Variants in AGK observed in about 807,000 individuals in gnomAD.
AGK encodes the protein acylglycerol kinase, mitochondrial.
In AGK, 52 loss-of-function variants were observed where a neutral mutation model predicts 66.4. That is an observed-to-expected ratio of 0.78 (90% CI 0.63 to 0.99). The LOEUF (loss-of-function observed/expected upper bound fraction) is 0.99, where lower values mean the gene tolerates loss of function less well. AGK is among the 50% of genes least tolerant of loss of function. The pLI is 0.00. For missense variants in AGK, 451 were observed against 506.6 expected (o/e 0.89, Z 1.05); for synonymous variants, 182 against 181.1 (o/e 1.00, Z -0.04).
chr7:141,627,530 T>G (rs1796965488), intron 9 of AGK, among the ~76,000 whole-genome samples: 1 of 152,216 alleles, frequency 6.6e-6, no homozygotes, highest in Non-Finnish European at 1.5e-5. Context: ...TCTATGTATA[T>G]TTACAACTGG....
Position 141,552,598 on chromosome 7 carries a change from G to A in AGK, c.-15+1164G>A, listed in dbSNP as rs182307479. On this transcript the variant is annotated intron_variant, in intron 1 of 15. Transcript: ENST00000649286. ...TTCTAGACACTCCAATTTTTACTCC[G>A]CTGTTGATGAGATTCAGGACACACT... Among the ~76,000 whole-genome samples the A allele has an allele frequency of 2.9e-3, 434 of 152,262 alleles. 2 individuals are homozygous for A. Among genetic ancestry groups the A allele is most frequent in the Non-Finnish European group, 4.0e-3 (269 of 68,012 alleles).
intron 2 of AGK, among the ~76,000 whole-genome samples, chr7:141,581,048 T>C (rs1310645162): frequency 6.6e-6 from 1 of 151,868 alleles, no homozygotes; most frequent in Non-Finnish European, 1.5e-5. Flanking sequence ...AAGGAGTTGT[T>C]TTGTAGAAGG....
chr7:141,612,530 A>G (rs1347537654), intron 6 of AGK, among the ~76,000 whole-genome samples: 2 of 152,070 alleles, frequency 1.3e-5, no homozygotes, highest in African/African-American at 4.8e-5. Flanking sequence ...TAAACGATGG[A>G]CTTTGGGTGA....
At chr7:141,646,601 C>T (rs1180619827) in intron 13 of AGK, among the ~76,000 whole-genome samples, 2 of 152,072 alleles carry the variant, frequency 1.3e-5, no homozygotes, top group African/African-American at 2.4e-5. Flanking sequence ...CCCACAGGCC[C>T]GACTATCCTG....
chr7:141,611,352 C>A, intron 6 of AGK, 65 bp downstream of exon 6: 1 of 1,176,364 alleles, frequency 8.5e-7, no homozygotes, highest in Non-Finnish European at 1.2e-6. Context: ...AATCCTAGAG[C>A]AATGGTATGT....
intron 13 of AGK, among the ~76,000 whole-genome samples, chr7:141,648,164 C>T (rs1033357409): frequency 1.3e-5 from 2 of 152,168 alleles, no homozygotes; most frequent in Admixed American, 6.5e-5. Context: ...CTGCCATCAG[C>T]GCCACCTCAT....
At chr7:141,553,594 C>T (rs1018252639) in intron 1 of AGK, among the ~76,000 whole-genome samples, 1 of 152,198 alleles carries the variant, frequency 6.6e-6, no homozygotes, top group African/African-American at 2.4e-5. Context: ...ACCCATTCTT[C>T]TCTGCCCTCA....
intron 13 of AGK, among the ~76,000 whole-genome samples, chr7:141,642,887 G>A (rs1411267537): frequency 1.3e-5 from 2 of 152,070 alleles, no homozygotes; most frequent in Non-Finnish European, 2.9e-5. Flanking sequence ...TTATTATCTG[G>A]TCACTTACAG....
At chr7:141,614,251 T>C in intron 7 of AGK, 73 bp downstream of exon 7, 5 of 1,118,328 alleles carry the variant, frequency 4.5e-6, no homozygotes, top group Non-Finnish European at 5.0e-6. Context: ...TTTCTTTTAC[T>C]TTTTTTTTCC....
chr7:141,630,092 T>C (rs1015989113), intron 9 of AGK, among the ~76,000 whole-genome samples: 2 of 152,124 alleles, frequency 1.3e-5, no homozygotes, highest in Non-Finnish European at 2.9e-5. Flanking sequence ...CCATGGAATC[T>C]TCTATCATCA....
intron 11 of AGK, among the ~76,000 whole-genome samples, chr7:141,640,292 T>C (rs1758574441): frequency 1.3e-5 from 2 of 152,014 alleles, no homozygotes; most frequent in South Asian, 4.2e-4. Context: ...AAGCTAATTT[T>C]CACCACATGA....
At chr7:141,588,617 G>GA (rs80157616) in intron 2 of AGK, among the ~76,000 whole-genome samples, 1,883 of 139,602 alleles carry the variant, frequency 0.013, 38 homozygotes, top group African/African-American at 0.045. Flanking sequence ...CTTCGCCTCG[G>GA]AAAAAAAAAA....
At chr7:141,584,443 C>T (rs1236657321) in intron 2 of AGK, among the ~76,000 whole-genome samples, 1 of 152,200 alleles carries the variant, frequency 6.6e-6, no homozygotes, top group African/African-American at 2.4e-5. Context: ...AAGCCTGACA[C>T]TCAATGTAAA....
At chr7:141,576,975 G>A (rs1356193544) in intron 2 of AGK, among the ~76,000 whole-genome samples, 1 of 152,174 alleles carries the variant, frequency 6.6e-6, no homozygotes, top group Non-Finnish European at 1.5e-5. Flanking sequence ...GGAAGGCAGA[G>A]CTTGCAGTGA....
chr7:141,589,622 G>A (rs370832544), intron 2 of AGK, among the ~76,000 whole-genome samples: 7 of 151,488 alleles, frequency 4.6e-5, no homozygotes, highest in East Asian at 3.9e-4. Context: ...GTGCCATGAC[G>A]CGTTCTCGGC....
chr7:141,562,249 T>TA, intron 2 of AGK: 1 of 449,484 alleles, frequency 2.2e-6, no homozygotes, highest in Non-Finnish European at 4.5e-6. Context: ...GGAGCAGTGT[T>TA]ACTCTGTCAT....
Position 141,614,164 on chromosome 7 carries a change from C to A in AGK, c.409C>A (p.Arg137=). 6.5e-7 allele frequency: 1 copy of A among 1,536,662 alleles called. No homozygotes were observed. The highest frequency in any genetic ancestry group is 8.8e-7 in the Non-Finnish European group (1 of 1,130,262). Residue 137 remains arginine, a synonymous_variant, in exon 7 of 16, where the codon CGA becomes AGA. Transcript: ENST00000649286. Reference sequence around the variant, plus strand: ...TTTGTAGGTTGTTACTGGTGTTCTTCGACGAACAGATGAGGTGAGCATTAA... The same window carrying A: ...TTTGTAGGTTGTTACTGGTGTTCTTAGACGAACAGATGAGGTGAGCATTAA... ...TLQEVVTGVL[R]RTDEATFSKI...
chr7:141,641,391 A>G lies in AGK; in HGVS notation c.870A>G (p.Pro290=), dbSNP rs750382870. ...LRRLASYWAQ[P]QDALSQEVSP... ...GGCTTGCGTCCTACTGGGCACAACC[A>G]CAGGATGGTGAGCAATGTGGCGACT... Residue 290 remains proline (P), a synonymous_variant, in exon 12 of 16, where the codon CCA becomes CCG. Coordinates refer to ENST00000649286, the MANE Select transcript of AGK (RefSeq NM_018238.4). 1.2e-6 allele frequency: 2 copies of G among 1,611,362 alleles called. No homozygotes were observed. The highest frequency in any genetic ancestry group is 2.2e-5 in the South Asian group (2 of 90,536).
At chr7:141,552,790 G>T (rs1445136207) in intron 1 of AGK, among the ~76,000 whole-genome samples, 1 of 152,120 alleles carries the variant, frequency 6.6e-6, no homozygotes, top group East Asian at 1.9e-4. Context: ...ATAGGATCGA[G>T]GAAAGGAATG....
Sources: gnomAD v4.1 joint callset for allele counts (sites outside exome capture counted in the v4.1 genomes callset) on GRCh38, gnomAD v4.1.1 for gene constraint, MANE v1.5 for transcripts, NCBI Gene and HGNC (gene_info 2026-07-23, HGNC 2026-07-21) for gene names.